PTPN13: variants seen among roughly 807,000 people sequenced by gnomAD.
The protein encoded by PTPN13 is tyrosine-protein phosphatase non-receptor type 13.
PTPN13 carries 191 observed loss-of-function variants against 284.0 expected under a neutral mutation model. The ratio of observed to expected loss-of-function variants is 0.67; its 90% CI spans 0.60 to 0.76. The LOEUF is 0.76. Among genes scored for constraint, PTPN13 ranks in the 30% least tolerant of loss-of-function variants. The pLI, the probability that PTPN13 is intolerant of heterozygous loss-of-function variation, is 0.00. For synonymous variants in PTPN13, 986 were observed against 1,022.3 expected (o/e 0.96, Z 0.68); for missense variants, 2,797 against 2,939.9 (o/e 0.95, Z 1.12).
chr4:86,713,323 CT>C (rs2149056213), intron 7 of PTPN13, among the ~76,000 whole-genome samples: 1 of 152,084 alleles, frequency 6.6e-6, no homozygotes, highest in South Asian at 2.1e-4. Context: ...AACAAATGTA[CT>C]TTGGTGTTCC....
Position 86,772,764 on chromosome 4 carries a change from C to A in PTPN13, c.5169-14C>A, listed in dbSNP as rs747936401. The A allele has an allele frequency of 6.3e-7, 1 of 1,579,056 alleles. No homozygotes were observed. The highest frequency in any genetic ancestry group is 8.6e-7 in the Non-Finnish European group (1 of 1,166,040). ...AATGTATTTAAAAATAGTCTTACTT[C>A]TTTGTCTCTGTAGTAATCCTTCCCC... On this transcript the variant is annotated splice_polypyrimidine_tract_variant and intron_variant, in intron 31 of 47. Transcript: ENST00000411767.
chr4:86,801,684 A>G (rs1027853976), intron 42 of PTPN13, among the ~76,000 whole-genome samples: 14 of 152,222 alleles, frequency 9.2e-5, no homozygotes, highest in Admixed American at 3.3e-4. Context: ...TTCAGTGTTT[A>G]GTTATGAGTT....
intron 3 of PTPN13, among the ~76,000 whole-genome samples, chr4:86,685,693 A>G (rs1729371889): frequency 6.6e-6 from 1 of 152,256 alleles, no homozygotes; most frequent in Non-Finnish European, 1.5e-5. Context: ...AAGTCTTTGT[A>G]ATACCTCTAT....
intron 40 of PTPN13, among the ~76,000 whole-genome samples, chr4:86,790,949 G>C (rs940628369): frequency 1.3e-5 from 2 of 152,152 alleles, no homozygotes; most frequent in Admixed American, 6.5e-5. Context: ...GGTGATTTCT[G>C]CATTTCCAAC....
chr4:86,729,559 A>G (rs1216317145), intron 10 of PTPN13, among the ~76,000 whole-genome samples: 1 of 148,844 alleles, frequency 6.7e-6, no homozygotes, highest in Non-Finnish European at 1.5e-5. Flanking sequence ...TTTTTCTCTA[A>G]TCTTGTCTTC....
intron 2 of PTPN13, among the ~76,000 whole-genome samples, chr4:86,659,048 T>C (rs1364771490): frequency 6.6e-6 from 1 of 152,156 alleles, no homozygotes; most frequent in Middle Eastern, 3.2e-3. Flanking sequence ...GCTGTGAGGA[T>C]ACATCATAAT....
chr4:86,618,785 G>A (rs1034157789), intron 1 of PTPN13, among the ~76,000 whole-genome samples: 1 of 152,190 alleles, frequency 6.6e-6, no homozygotes, highest in African/African-American at 2.4e-5. Context: ...TTTGTATCCT[G>A]AGACTTTGCT....
At chr4:86,793,104 C>T (rs1742876713) in intron 40 of PTPN13, among the ~76,000 whole-genome samples, 2 of 150,618 alleles carry the variant, frequency 1.3e-5, no homozygotes, top group South Asian at 4.2e-4. Context: ...GTGCTGTATT[C>T]AGGAGACCCA....
Position 86,775,391 on chromosome 4 carries a change from A to G in PTPN13, c.5680+49A>G, listed in dbSNP as rs776582984. ...CAATATGATTTTCTTGGTTAGCTTA[A>G]GAGTAAGTACTTTTATGACTGAGAA... On this transcript the variant is annotated intron_variant, in intron 34 of 47. Coordinates refer to ENST00000411767, the MANE Select transcript of PTPN13 (RefSeq NM_080683.3). 1.3e-5 allele frequency: 21 copies of G among 1,601,178 alleles called. No homozygotes were observed. In the South Asian group the frequency reaches 2.3e-4, roughly 18 times the overall value.
At chr4:86,629,930 T>TA (rs1001501716) in intron 1 of PTPN13, among the ~76,000 whole-genome samples, 2 of 151,946 alleles carry the variant, frequency 1.3e-5, no homozygotes, top group African/African-American at 4.8e-5. Context: ...CTAATTTTTT[T>TA]AAAAAGCATT....
intron 1 of PTPN13, among the ~76,000 whole-genome samples, chr4:86,628,503 A>ATTTTTTTTTTTAAT (rs1722087169): frequency 7.3e-6 from 1 of 136,776 alleles, no homozygotes; most frequent in African/African-American, 2.7e-5. Context: ...TTTTTTTTTA[A>ATTTTTTTTTTTAAT]TTTTTTTTTT....
chr4:86,809,726 A>G (rs1269104322), intron 45 of PTPN13, 43 bp from the exon 46 acceptor site: 18 of 1,526,798 alleles, frequency 1.2e-5, no homozygotes, highest in Non-Finnish European at 1.5e-5. Context: ...TATGTGAACA[A>G]TATAACATGT....
chr4:86,721,289 T>C (rs1368301723), intron 9 of PTPN13, among the ~76,000 whole-genome samples: 1 of 152,072 alleles, frequency 6.6e-6, no homozygotes, highest in Non-Finnish European at 1.5e-5. Flanking sequence ...GACCCTCCCC[T>C]TAAGTGAGAG....
intron 2 of PTPN13, among the ~76,000 whole-genome samples, chr4:86,639,456 A>G (rs1181341136): frequency 6.6e-6 from 1 of 152,210 alleles, no homozygotes; most frequent in Non-Finnish European, 1.5e-5. Flanking sequence ...GACTGGATTA[A>G]GAAAATGTGG....
chr4:86,785,069 T>C (rs1741741580), intron 38 of PTPN13, among the ~76,000 whole-genome samples, 162 bp from the exon 39 acceptor site: 1 of 152,152 alleles, frequency 6.6e-6, no homozygotes, highest in Non-Finnish European at 1.5e-5. Context: ...GAACTAAAAA[T>C]GACTGGATCA....
rs145857172 is a variant in PTPN13, at chr4:86,666,414, T to C, written c.116-5951T>C. On this transcript the variant is annotated intron_variant, in intron 2 of 47. Coordinates refer to ENST00000411767, the MANE Select transcript of PTPN13 (RefSeq NM_080683.3). The stretch of plus-strand genomic sequence containing the variant: ...TCTCTCTTCTCTCTCTTCTCTCTCT[T>C]CTCTCTCTCTCTTTAGAAGAGCAGC... Among the ~76,000 whole-genome samples, 1,467 of 150,956 alleles carry C rather than the reference T, an allele frequency of 9.7e-3. 16 individuals are homozygous for C. The highest frequency in any genetic ancestry group is 0.034 in the African/African-American group (1,382 of 40,948).
In PTPN13 at chr4:86,732,744, G is replaced by A; in HGVS notation, c.1836G>A (p.Leu612=). 1.2e-6 allele frequency: 2 copies of A among 1,612,812 alleles called. No homozygotes were observed. Among genetic ancestry groups the A allele is most frequent in the East Asian group, 2.2e-5 (1 of 44,784 alleles). ...VAHIGLVEHH[L]FALATLKDNE... ...ATATTGGCTTAGTAGAGCATCATTT[G>A]TTTGCTTTAGCTACCCTCAAAGGTA... Residue 612 remains leucine, a synonymous_variant, in exon 12 of 48, where the codon TTG becomes TTA. Transcript: ENST00000411767.
Position 86,765,394 on chromosome 4 carries a change from G to A in PTPN13, c.4150-1G>A, listed in dbSNP as rs1273958678. The stretch of plus-strand genomic sequence containing the variant: ...ATATTATTTTGTCTTTTTCTCTTTA[G>A]GGAGGTGTGAATACGAGTGTCAGAC... On this transcript the variant is annotated splice_acceptor_variant, in intron 25 of 47. Transcript: ENST00000411767. LOFTEE classifies it high-confidence loss of function. The A allele has an allele frequency of 2.5e-6, 4 of 1,591,642 alleles. No homozygotes were observed. The highest frequency in any genetic ancestry group is 3.4e-6 in the Non-Finnish European group (4 of 1,167,806).
intron 1 of PTPN13, among the ~76,000 whole-genome samples, chr4:86,616,761 A>G (rs1042511490): frequency 1.3e-5 from 2 of 152,146 alleles, no homozygotes; most frequent in African/African-American, 2.4e-5. Flanking sequence ...AAGCCTTCCA[A>G]TGCCATGCTT....
Sources: gnomAD v4.1 joint callset for allele counts (sites outside exome capture counted in the v4.1 genomes callset) on GRCh38, gnomAD v4.1.1 for gene constraint, MANE v1.5 for transcripts, NCBI Gene and HGNC (gene_info 2026-07-23, HGNC 2026-07-21) for gene names.